The following CACNA2D3 variants were observed in gnomAD, a reference collection of about 807,000 sequenced individuals.
The protein encoded by CACNA2D3 is voltage-dependent calcium channel subunit alpha-2/delta-3.
A neutral mutation model predicts 160.6 loss-of-function variants in CACNA2D3; 60 were observed. The ratio of observed to expected loss-of-function variants is 0.37; its 90% CI spans 0.30 to 0.46. The LOEUF is 0.46. CACNA2D3 is among the 20% of genes least tolerant of loss of function. CACNA2D3 has a pLI of 1.00. For missense variants in CACNA2D3, 1,205 were observed against 1,365.0 expected, an observed-to-expected ratio of 0.88 and a Z score of 1.85; for synonymous variants, 558 against 492.9, an observed-to-expected ratio of 1.13 and a Z score of -1.75.
At chr3:54,706,072 A>T (rs908411709) in intron 11 of CACNA2D3, among the ~76,000 whole-genome samples, 4 of 152,228 alleles carry the variant, frequency 2.6e-5, no homozygotes, top group Non-Finnish European at 5.9e-5. Context: ...AATCAACTGG[A>T]GCCTCATTCC....
chr3:54,731,968 T>G (rs1230146955), intron 11 of CACNA2D3, among the ~76,000 whole-genome samples: 2 of 152,176 alleles, frequency 1.3e-5, no homozygotes, highest in Admixed American at 1.3e-4. Context: ...AGAGCAACAT[T>G]TTCCCTCTTA....
At chr3:54,967,910 A>G (rs939509075) in intron 27 of CACNA2D3, among the ~76,000 whole-genome samples, 2 of 152,194 alleles carry the variant, frequency 1.3e-5, no homozygotes, top group Non-Finnish European at 2.9e-5. Context: ...CCAGAGTTCC[A>G]TGGGAGAGAA....
At chr3:55,039,614 T>C (rs1228743014) in intron 35 of CACNA2D3, among the ~76,000 whole-genome samples, 2 of 152,218 alleles carry the variant, frequency 1.3e-5, no homozygotes, top group Non-Finnish European at 2.9e-5. Flanking sequence ...AGTACCTCAT[T>C]AGTCTTTGAT....
intron 25 of CACNA2D3, among the ~76,000 whole-genome samples, chr3:54,892,033 G>A (rs2106869720): frequency 6.6e-6 from 1 of 152,160 alleles, no homozygotes; most frequent in East Asian, 1.9e-4. Flanking sequence ...TCCAGGTCTA[G>A]TACCCAGATG....
chr3:54,180,018 A>T (rs4350944), intron 2 of CACNA2D3, among the ~76,000 whole-genome samples: 120,922 of 150,182 alleles, frequency 0.81, 48,698 homozygotes, highest in East Asian at 1. Context: ...AGAAGGTTTC[A>T]TTTTTTCTTC....
chr3:54,544,675 G>T (rs1702033312), intron 5 of CACNA2D3, among the ~76,000 whole-genome samples: 1 of 152,006 alleles, frequency 6.6e-6, no homozygotes, highest in African/African-American at 2.4e-5. Context: ...TTGGATTACA[G>T]GCATGAGCCA....
At chr3:54,667,732 C>G (rs1011318904) in intron 11 of CACNA2D3, among the ~76,000 whole-genome samples, 5 of 152,082 alleles carry the variant, frequency 3.3e-5, no homozygotes, top group African/African-American at 9.7e-5. Context: ...ATTGCTTGAG[C>G]CCAGGACTTC....
chr3:54,675,643 C>T (rs1476245369), intron 11 of CACNA2D3, among the ~76,000 whole-genome samples: 1 of 152,152 alleles, frequency 6.6e-6, no homozygotes. Flanking sequence ...GGCCATCATG[C>T]TGCTGTGCAT....
intron 11 of CACNA2D3, among the ~76,000 whole-genome samples, chr3:54,741,246 T>C (rs1258417226): frequency 6.6e-6 from 1 of 152,166 alleles, no homozygotes; most frequent in Non-Finnish European, 1.5e-5. Flanking sequence ...CTCTCAGACC[T>C]TTCCCTGTTT....
chr3:54,887,845 C>T (rs1699961567), intron 23 of CACNA2D3, 114 bp from the exon 24 acceptor site: 2 of 771,648 alleles, frequency 2.6e-6, no homozygotes. Flanking sequence ...ACTCATAAAG[C>T]AACATGCCGC....
At chr3:54,421,159 G>A (rs1401690489) in intron 4 of CACNA2D3, among the ~76,000 whole-genome samples, 1 of 152,220 alleles carries the variant, frequency 6.6e-6, no homozygotes, top group African/African-American at 2.4e-5. Flanking sequence ...GGCAGTGAAT[G>A]TGTTTGTGGT....
chr3:54,574,369 G>A (rs1202250393), intron 8 of CACNA2D3, among the ~76,000 whole-genome samples: 2 of 152,042 alleles, frequency 1.3e-5, no homozygotes, highest in African/African-American at 4.8e-5. Flanking sequence ...CGGTTTTGCA[G>A]GTTTTATTAA....
intron 5 of CACNA2D3, among the ~76,000 whole-genome samples, chr3:54,554,090 C>G (rs1384720194): frequency 6.6e-6 from 1 of 152,154 alleles, no homozygotes; most frequent in Non-Finnish European, 1.5e-5. Flanking sequence ...TGCTTATTCA[C>G]TCTGTGTACA....
intron 13 of CACNA2D3, among the ~76,000 whole-genome samples, chr3:54,798,125 G>A (rs1431946585): frequency 1.3e-5 from 2 of 152,118 alleles, no homozygotes; most frequent in Admixed American, 6.5e-5. Flanking sequence ...AAAATTCATA[G>A]CTTTGCTGCT....
At chr3:54,880,893 T>G in intron 21 of CACNA2D3, 30 bp downstream of exon 21, 1 of 1,600,660 alleles carries the variant, frequency 6.2e-7, no homozygotes, top group Non-Finnish European at 8.6e-7. Flanking sequence ...GTCTTATCCT[T>G]TGGTGTGGGA....
intron 11 of CACNA2D3, among the ~76,000 whole-genome samples, chr3:54,739,743 C>A (rs1307008408): frequency 7.7e-6 from 1 of 129,128 alleles, no homozygotes; most frequent in Non-Finnish European, 1.6e-5. Context: ...AGGCCCTTCT[C>A]CTCATATATG....
intron 13 of CACNA2D3, among the ~76,000 whole-genome samples, chr3:54,788,282 G>A (rs1188122723): frequency 1.3e-5 from 2 of 152,164 alleles, no homozygotes; most frequent in Non-Finnish European, 2.9e-5. Context: ...AATATAGCCT[G>A]TTGAGGTGAA....
chr3:54,572,597 A>G (rs1702517640), intron 8 of CACNA2D3, among the ~76,000 whole-genome samples: 1 of 152,184 alleles, frequency 6.6e-6, no homozygotes, highest in Admixed American at 6.5e-5. Flanking sequence ...AGTGAAGAGG[A>G]TATAGTTGAT....
chr3:54,431,015 A>G (rs773219249), intron 4 of CACNA2D3, among the ~76,000 whole-genome samples: 7 of 152,124 alleles, frequency 4.6e-5, no homozygotes, highest in Non-Finnish European at 8.8e-5. Context: ...CTTAGAATAG[A>G]TTAGCTAGAG....
Sources: allele counts gnomAD v4.1 joint callset (sites outside exome capture counted in the v4.1 genomes callset), GRCh38; gene constraint gnomAD v4.1.1; transcripts MANE v1.5; gene names NCBI Gene and HGNC (gene_info 2026-07-23, HGNC 2026-07-21).